ADAM12: variants seen among roughly 807,000 people sequenced by gnomAD.
ADAM12 encodes the protein disintegrin and metalloproteinase domain-containing protein 12.
ADAM12 carries 70 observed loss-of-function variants against 106.4 expected under a neutral mutation model. That is an observed-to-expected ratio of 0.66 (90% CI 0.54 to 0.80). The LOEUF (loss-of-function observed/expected upper bound fraction) is 0.80, where lower values mean the gene tolerates loss of function less well. Ranked by LOEUF, ADAM12 falls within the 30% of genes least tolerant of loss-of-function variation. The pLI, the probability that ADAM12 is intolerant of heterozygous loss-of-function variation, is 0.00. For missense variants in ADAM12, 1,010 were observed against 1,171.9 expected, an observed-to-expected ratio of 0.86 and a Z score of 2.02; for synonymous variants, 420 against 433.5, an observed-to-expected ratio of 0.97 and a Z score of 0.39.
At chr10:126,368,965 T>C (rs527967193) in intron 1 of ADAM12, among the ~76,000 whole-genome samples, 2 of 152,192 alleles carry the variant, frequency 1.3e-5, no homozygotes, top group Non-Finnish European at 2.9e-5. Flanking sequence ...TTGCGATTTT[T>C]ATTAGACTAT....
At chr10:126,215,491 T>C (rs941211212) in intron 3 of ADAM12, among the ~76,000 whole-genome samples, 2 of 151,982 alleles carry the variant, frequency 1.3e-5, no homozygotes, top group Admixed American at 6.6e-5. Context: ...CTTAATAGAG[T>C]AATCAAGGGC....
intron 2 of ADAM12, among the ~76,000 whole-genome samples, chr10:126,316,026 G>C (rs201044484): frequency 6.6e-6 from 1 of 152,210 alleles, no homozygotes; most frequent in Non-Finnish European, 1.5e-5. Flanking sequence ...CACGACCAGA[G>C]ATTATATGCC....
At chr10:126,241,962 C>CTTT (rs10901569) in intron 3 of ADAM12, among the ~76,000 whole-genome samples, 1 of 140,090 alleles carries the variant, frequency 7.1e-6, no homozygotes. Flanking sequence ...TAAAACAGAG[C>CTTT]TTTTTTTTTT....
chr10:126,120,907 AAT>A (rs1296338763), intron 5 of ADAM12, among the ~76,000 whole-genome samples: 1 of 139,574 alleles, frequency 7.2e-6, no homozygotes, highest in Admixed American at 7.9e-5. Flanking sequence ...TATATTATAT[AAT>A]ATATATGCAA....
intron 2 of ADAM12, among the ~76,000 whole-genome samples, chr10:126,292,056 T>C (rs1052028348): frequency 1.3e-5 from 2 of 152,024 alleles, no homozygotes; most frequent in Admixed American, 1.3e-4. Context: ...AACTTGGTCC[T>C]CTATGTAGAA....
At chr10:126,178,488 G>A (rs1417492192) in intron 3 of ADAM12, among the ~76,000 whole-genome samples, 1 of 132,372 alleles carries the variant, frequency 7.6e-6, no homozygotes, top group Non-Finnish European at 1.5e-5. Flanking sequence ...TACACAAATT[G>A]TCAAACTCTC....
chr10:126,223,323 C>T lies in ADAM12; in HGVS notation c.260+55592G>A, dbSNP rs999433901. ...CTCATATTTCAGCTTCTGCCTGTCA[C>T]ATTCTTCTGCTCCCTCAAATCAGCT... On this transcript the variant is annotated intron_variant, in intron 3 of 22. Transcript: ENST00000448723. 3.3e-5 allele frequency among the ~76,000 whole-genome samples: 5 copies of T among 152,200 alleles called. No individual in the cohort carries two copies. The East Asian group carries it at 5.8e-4, about 18-fold the overall frequency.
At chr10:126,109,099 G>A (rs1955825021) in intron 7 of ADAM12, among the ~76,000 whole-genome samples, 1 of 152,104 alleles carries the variant, frequency 6.6e-6, no homozygotes, top group South Asian at 2.1e-4. Context: ...GAGGAGAATA[G>A]ACAAAAAAAT....
Position 126,278,900 on chromosome 10 carries a change from C to T in ADAM12, c.260+15G>A, listed in dbSNP as rs1959412210. On this transcript the variant is annotated intron_variant, in intron 3 of 22. Coordinates refer to ENST00000448723, the MANE Select transcript of ADAM12 (RefSeq NM_001288973.2). The stretch of plus-strand genomic sequence containing the variant: ...TAACTTTCTCCTATCATGCAATAAA[C>T]AAGAATTAACTTACTCATTTCTTTC... 6.3e-7 allele frequency: 1 copy of T among 1,587,264 alleles called. No individual in the cohort carries two copies. Among genetic ancestry groups the T allele is most frequent in the South Asian group, 1.1e-5 (1 of 88,684 alleles).
intron 3 of ADAM12, among the ~76,000 whole-genome samples, chr10:126,266,366 G>A (rs990380415): frequency 6.6e-6 from 1 of 152,210 alleles, no homozygotes; most frequent in African/African-American, 2.4e-5. Flanking sequence ...CAAAATGAAG[G>A]AGGAAGAGAA....
chr10:126,100,609 G>C (rs1165345717), intron 9 of ADAM12, among the ~76,000 whole-genome samples: 1 of 152,010 alleles, frequency 6.6e-6, no homozygotes. Flanking sequence ...CAGCTACTCG[G>C]GAGGTTGAGG....
chr10:126,377,232 G>T (rs1318375881), intron 1 of ADAM12, among the ~76,000 whole-genome samples: 1 of 152,084 alleles, frequency 6.6e-6, no homozygotes, highest in Non-Finnish European at 1.5e-5. Context: ...TATTAGTCAG[G>T]GTTCTCTAGA....
At chr10:126,106,670 G>A (rs907209006) in intron 8 of ADAM12, among the ~76,000 whole-genome samples, 12 of 151,980 alleles carry the variant, frequency 7.9e-5, no homozygotes, top group African/African-American at 2.4e-4. Context: ...ATTTTTAGTA[G>A]AGACGGGGTT....
intron 2 of ADAM12, among the ~76,000 whole-genome samples, chr10:126,318,582 C>G (rs138927053): frequency 2.4e-5 from 2 of 84,042 alleles, no homozygotes; most frequent in Non-Finnish European, 5.0e-5. Context: ...TCACATACAC[C>G]CACACACTCT....
chr10:126,044,229 A>T (rs1954254740), intron 17 of ADAM12, among the ~76,000 whole-genome samples: 1 of 152,092 alleles, frequency 6.6e-6, no homozygotes, highest in South Asian at 2.1e-4. Context: ...TGAGGCCAGG[A>T]GTTCAAGACC....
intron 5 of ADAM12, among the ~76,000 whole-genome samples, chr10:126,125,107 A>G (rs1007290249): frequency 9.9e-5 from 15 of 152,044 alleles, no homozygotes; most frequent in African/African-American, 3.4e-4. Flanking sequence ...TGAGTCATGC[A>G]AACATCACCA....
intron 2 of ADAM12, among the ~76,000 whole-genome samples, chr10:126,286,900 G>C (rs1403734800): frequency 6.6e-6 from 1 of 152,198 alleles, no homozygotes; most frequent in Non-Finnish European, 1.5e-5. Context: ...AATGCAGTTG[G>C]AAGTTTGTGT....
intron 3 of ADAM12, among the ~76,000 whole-genome samples, chr10:126,248,377 A>G (rs1033073704): frequency 6.6e-6 from 1 of 152,080 alleles, no homozygotes; most frequent in Non-Finnish European, 1.5e-5. Flanking sequence ...GTCTCTCCTT[A>G]GGCTTCTGAC....
chr10:126,336,981 G>A (rs986153168), intron 1 of ADAM12, among the ~76,000 whole-genome samples: 2 of 152,170 alleles, frequency 1.3e-5, no homozygotes, highest in African/African-American at 4.8e-5. Flanking sequence ...CGCCACAGAG[G>A]GCCGGCAAGA....
Sources: gnomAD v4.1 joint callset for allele counts (sites outside exome capture counted in the v4.1 genomes callset) on GRCh38, gnomAD v4.1.1 for gene constraint, MANE v1.5 for transcripts, NCBI Gene and HGNC (gene_info 2026-07-23, HGNC 2026-07-21) for gene names.